The following SYBU variants were observed in gnomAD, a reference collection of about 807,000 sequenced individuals.
SYBU encodes GOLSYN A protein.
Under a neutral mutation model 35.9 loss-of-function variants are expected in SYBU, and 21 were observed. The observed-to-expected ratio is 0.58, with a 90% CI of 0.41 to 0.84. The LOEUF is 0.84. SYBU is among the 40% of genes least tolerant of loss of function. SYBU has a pLI of 0.00. For missense variants in SYBU, 768 were observed against 848.2 expected (o/e 0.91, Z 1.17); for synonymous variants, 319 against 324.3 (o/e 0.98, Z 0.18).
chr8:109,624,172 A>C (rs1004215648), intron 2 of SYBU, among the ~76,000 whole-genome samples: 2 of 152,144 alleles, frequency 1.3e-5, no homozygotes, highest in African/African-American at 4.8e-5. Context: ...TATAAAAAAA[A>C]CTGAGTTCAT....
intron 3 of SYBU, among the ~76,000 whole-genome samples, chr8:109,604,207 T>C (rs906677567): frequency 4.7e-5 from 7 of 148,964 alleles, no homozygotes; most frequent in Non-Finnish European, 7.5e-5. Context: ...AACAATAGAA[T>C]TTAAAAAAAA....
At chr8:109,657,285 T>C (rs937911671) in intron 1 of SYBU, among the ~76,000 whole-genome samples, 5 of 152,198 alleles carry the variant, frequency 3.3e-5, no homozygotes, top group Non-Finnish European at 7.3e-5. Context: ...CACTGTCCCA[T>C]AATTTAAAAA....
At chr8:109,681,247 T>C (rs893412598), upstream of SYBU, among the ~76,000 whole-genome samples, 1 of 152,174 alleles carries the variant, frequency 6.6e-6, no homozygotes, top group African/African-American at 2.4e-5. Flanking sequence ...AAAATTTTCA[T>C]TAATGTACAT....
chr8:109,601,466 T>C (rs1226411899), intron 3 of SYBU, among the ~76,000 whole-genome samples: 1 of 152,046 alleles, frequency 6.6e-6, no homozygotes, highest in African/African-American at 2.4e-5. Context: ...GTTCCAATGC[T>C]CAAGGGTTTC....
chr8:109,627,993 C>A (rs1456744991), intron 2 of SYBU, among the ~76,000 whole-genome samples: 1 of 152,214 alleles, frequency 6.6e-6, no homozygotes, highest in African/African-American at 2.4e-5. Context: ...CAGTATTATA[C>A]AATATGTCAC....
At chr8:109,671,336 T>A (rs1816973297) in intron 1 of SYBU, among the ~76,000 whole-genome samples, 1 of 152,170 alleles carries the variant, frequency 6.6e-6, no homozygotes, top group South Asian at 2.1e-4. Context: ...ATTCATGCCA[T>A]TAGAGATAGA....
intron 3 of SYBU, among the ~76,000 whole-genome samples, chr8:109,600,150 G>A (rs561342651): frequency 5.9e-5 from 9 of 152,276 alleles, no homozygotes; most frequent in African/African-American, 1.4e-4. Context: ...CCTTGAGGGC[G>A]TGTTCTTTTG....
At chr8:109,687,569 T>C (rs1395423761) in intron 1 of SYBU, among the ~76,000 whole-genome samples, 1 of 152,132 alleles carries the variant, frequency 6.6e-6, no homozygotes, top group East Asian at 1.9e-4. Flanking sequence ...GAGGCTGAAA[T>C]GAAATATTGG....
intron 3 of SYBU, among the ~76,000 whole-genome samples, chr8:109,602,128 A>AAATCATTTG (rs1825601630): frequency 6.6e-6 from 1 of 152,238 alleles, no homozygotes; most frequent in Non-Finnish European, 1.5e-5. Flanking sequence ...TATGGGTTCA[A>AAATCATTTG]AATCATTTGA....
At chr8:109,647,336 G>A (rs563558158), upstream of SYBU, 2 of 151,908 alleles carry the variant, frequency 1.3e-5, no homozygotes, top group Non-Finnish European at 2.9e-5. Flanking sequence ...CTTTTTCGTC[G>A]AGACTGCTGC....
At chr8:109,613,240 T>G (rs7831266) in intron 3 of SYBU, among the ~76,000 whole-genome samples, 19,788 of 152,186 alleles carry the variant, frequency 0.13, 1,643 homozygotes, top group South Asian at 0.23. Context: ...TGAGAGTTTT[T>G]AGGAGTTTTC....
chr8:109,682,584 C>A (rs1229721506), upstream of SYBU, among the ~76,000 whole-genome samples: 2 of 152,036 alleles, frequency 1.3e-5, no homozygotes, highest in Non-Finnish European at 2.9e-5. Context: ...GGAAGCAGAG[C>A]ATAAAAGTTT....
At chr8:109,622,486 G>C (rs1168003910) in intron 2 of SYBU, among the ~76,000 whole-genome samples, 1 of 152,142 alleles carries the variant, frequency 6.6e-6, no homozygotes, top group African/African-American at 2.4e-5. Flanking sequence ...GCCTGCCTCA[G>C]CCTCTCAAAG....
intron 1 of SYBU, among the ~76,000 whole-genome samples, chr8:109,644,381 T>A (rs1815342777): frequency 6.6e-6 from 1 of 152,010 alleles, no homozygotes; most frequent in South Asian, 2.1e-4. Flanking sequence ...CACCCCACAG[T>A]CCCAGTTTCA....
intron 1 of SYBU, among the ~76,000 whole-genome samples, chr8:109,672,856 C>T (rs887180647): frequency 6.6e-6 from 1 of 152,190 alleles, no homozygotes; most frequent in East Asian, 1.9e-4. Context: ...GGAGGGGCAT[C>T]TGCCATTACT....
chr8:109,591,170 G>A (rs1824198054), intron 3 of SYBU, among the ~76,000 whole-genome samples: 1 of 152,116 alleles, frequency 6.6e-6, no homozygotes, highest in Admixed American at 6.6e-5. Flanking sequence ...TGGGTGTGTC[G>A]AAGTGAAAAG....
At chr8:109,582,345 C>A (rs1010993880) in intron 4 of SYBU, among the ~76,000 whole-genome samples, 1 of 152,122 alleles carries the variant, frequency 6.6e-6, no homozygotes, top group Non-Finnish European at 1.5e-5. Context: ...TGTATAGGTG[C>A]AAACTCATTA....
In SYBU at chr8:109,689,907, CACTT is replaced by C. The variant is rs564603119; in HGVS notation, c.-58+1422_-58+1425del. ...TAAGTGTGCCACTGGCTAAATTACT[CACTT>C]ACTCTCTGCAAGCCTCAGTAGATCA... On this transcript the variant is annotated intron_variant, in intron 1 of 7. Coordinates refer to the SYBU transcript ENST00000422135. 2.1e-4 allele frequency among the ~76,000 whole-genome samples: 31 copies of C among 147,950 alleles called. No homozygotes were observed. In the East Asian group the frequency reaches 3.4e-3, roughly 16 times the overall value.
At chr8:109,622,298 C>A (rs1321029608) in intron 2 of SYBU, among the ~76,000 whole-genome samples, 2 of 151,984 alleles carry the variant, frequency 1.3e-5, no homozygotes, top group Non-Finnish European at 2.9e-5. Flanking sequence ...GTGGTGTGAT[C>A]TTGGCTCACT....
Sources: gnomAD v4.1 joint callset for allele counts (sites outside exome capture counted in the v4.1 genomes callset) on GRCh38, gnomAD v4.1.1 for gene constraint, MANE v1.5 for transcripts, NCBI Gene and HGNC (gene_info 2026-07-23, HGNC 2026-07-21) for gene names.